The following DYSF variants were observed in gnomAD, a reference collection of about 807,000 sequenced individuals.
The protein encoded by DYSF is dystrophy-associated fer-1-like 1.
DYSF carries 212 observed loss-of-function variants against 274.9 expected under a neutral mutation model. The observed-to-expected ratio is 0.77, with a 90% CI of 0.69 to 0.86. The LOEUF is 0.86. DYSF is among the 40% of genes least tolerant of loss of function. The pLI is 0.00. For missense variants in DYSF, 2,666 were observed against 2,783.2 expected, an observed-to-expected ratio of 0.96 and a Z score of 0.95; for synonymous variants, 1,091 against 1,078.7, an observed-to-expected ratio of 1.01 and a Z score of -0.22.
At chr2:71,521,614 T>C (rs899312883) in intron 12 of DYSF, among the ~76,000 whole-genome samples, 9 of 152,082 alleles carry the variant, frequency 5.9e-5, no homozygotes, top group African/African-American at 2.2e-4. Flanking sequence ...TACCTGAATA[T>C]GGCTGATGGC....
intron 24 of DYSF, 70 bp from the exon 25 acceptor site, chr2:71,567,880 TC>T (rs1319784573): frequency 6.3e-7 from 1 of 1,592,324 alleles, no homozygotes; most frequent in Non-Finnish European, 8.6e-7. Context: ...GGACTCCTCC[TC>T]CCCAGCCTCT....
rs375234931 is a variant in DYSF, at chr2:71,572,458, GAA to G, written c.3228+1719_3228+1720del. On this transcript the variant is annotated intron_variant, in intron 29 of 55. Transcript: ENST00000410020. The stretch of plus-strand genomic sequence containing the variant: ...AGTTCACACACCAACCTGGAAGATG[GAA>G]AGACACCCATGGACTTTGTCTTAGG... 2.5e-3 allele frequency among the ~76,000 whole-genome samples: 383 copies of G among 152,350 alleles called. 5 individuals are homozygous for G. The highest frequency in any genetic ancestry group is 0.016 in the East Asian group (83 of 5,188).
intron 32 of DYSF, among the ~76,000 whole-genome samples, chr2:71,597,117 G>T (rs1326658001): frequency 1.3e-5 from 2 of 152,170 alleles, no homozygotes; most frequent in Non-Finnish European, 2.9e-5. Context: ...TTGTGCGGAA[G>T]CCCTGTCTCC....
chr2:71,515,859 C>T, intron 8 of DYSF, 108 bp downstream of exon 8: 1 of 1,506,552 alleles, frequency 6.6e-7, no homozygotes, highest in Non-Finnish European at 9.0e-7. Context: ...ATGGCGCTGA[C>T]CTTGGGTGGT....
At chr2:71,684,699 TCA>T (rs2095335186) in intron 55 of DYSF, among the ~76,000 whole-genome samples, 2 of 152,090 alleles carry the variant, frequency 1.3e-5, no homozygotes, top group Non-Finnish European at 2.9e-5. Flanking sequence ...CACTAGAAAC[TCA>T]GAGTCCCCGG....
At chr2:71,619,383 T>C (rs889941563) in intron 40 of DYSF, among the ~76,000 whole-genome samples, 2 of 152,124 alleles carry the variant, frequency 1.3e-5, no homozygotes, top group African/African-American at 4.8e-5. Flanking sequence ...TGAACAGCCC[T>C]GAGGGGCCCC....
intron 17 of DYSF, among the ~76,000 whole-genome samples, chr2:71,544,036 C>G (rs370951265): frequency 3.3e-4 from 51 of 152,318 alleles, no homozygotes; most frequent in African/African-American, 1.2e-3. Context: ...TCCTTTACTT[C>G]TTTGCTCCTC....
At chr2:71,558,559 C>T (rs1214598121) in intron 22 of DYSF, among the ~76,000 whole-genome samples, 2 of 152,186 alleles carry the variant, frequency 1.3e-5, no homozygotes, top group Non-Finnish European at 2.9e-5. Context: ...TGCACATGAC[C>T]CCCGTGTTGT....
chr2:71,546,735 G>C (rs2090507437), intron 17 of DYSF, among the ~76,000 whole-genome samples: 1 of 152,206 alleles, frequency 6.6e-6, no homozygotes, highest in South Asian at 2.1e-4. Flanking sequence ...GTCTCCTTTT[G>C]TCTCTGGAAT....
chr2:71,674,618 G>T (rs1258025441), intron 52 of DYSF, among the ~76,000 whole-genome samples: 1 of 152,256 alleles, frequency 6.6e-6, no homozygotes, highest in African/African-American at 2.4e-5. Flanking sequence ...CAGCTGTCTG[G>T]CCTCACATTT....
intron 19 of DYSF, among the ~76,000 whole-genome samples, chr2:71,552,626 T>G (rs7599385): frequency 0.69 from 105,624 of 152,114 alleles, 37,653 homozygotes; most frequent in African/African-American, 0.76. Flanking sequence ...GGAGCTCTGG[T>G]CAGGCGCCTG....
chr2:71,516,282 G>A (rs750376064), intron 9 of DYSF, 40 bp downstream of exon 9: 4 of 1,590,978 alleles, frequency 2.5e-6, no homozygotes, highest in East Asian at 2.2e-5. Context: ...TGGGCTGTAT[G>A]TATGCACATA....
At chr2:71,580,657 C>A in intron 30 of DYSF, among the ~76,000 whole-genome samples, 1 of 152,078 alleles carries the variant, frequency 6.6e-6, no homozygotes, top group East Asian at 1.9e-4. Flanking sequence ...TCTCTGGACT[C>A]TGTTTCTTGA....
upstream of DYSF, among the ~76,000 whole-genome samples, chr2:71,462,379 C>T (rs908073333): frequency 2.0e-5 from 3 of 152,162 alleles, no homozygotes; most frequent in Admixed American, 6.5e-5. Flanking sequence ...TTGGAGGCAC[C>T]AGGAACTGCA....
chr2:71,510,603 G>C (rs1011158676), intron 4 of DYSF, among the ~76,000 whole-genome samples: 1 of 152,168 alleles, frequency 6.6e-6, no homozygotes, highest in South Asian at 2.1e-4. Context: ...CCAGTCTGGA[G>C]AGTTCAAGCT....
chr2:71,551,573 T>G (rs2090948211), intron 18 of DYSF, 34 bp from the exon 19 acceptor site: 1 of 1,564,862 alleles, frequency 6.4e-7, no homozygotes, highest in South Asian at 1.2e-5. Flanking sequence ...CCCCTCTGTC[T>G]CCCCTGCTCC....
chr2:71,607,811 A>G (rs894165444), intron 36 of DYSF, among the ~76,000 whole-genome samples: 3 of 152,008 alleles, frequency 2.0e-5, no homozygotes, highest in African/African-American at 7.3e-5. Context: ...TCTGAGGGGG[A>G]AGATGAAGAA....
chr2:71,590,184 G>T, intron 31 of DYSF, 27 bp from the exon 32 acceptor site: 1 of 1,613,372 alleles, frequency 6.2e-7, no homozygotes, highest in Non-Finnish European at 8.5e-7. Context: ...ACTCACTCTG[G>T]CACCTCTGTT....
rs536126912 is a variant in DYSF, at chr2:71,659,143, A to G, written c.4911+110A>G. ...CAGGGAGTTCATAGTAGGTTGGGAA[A>G]CAGACAAACACACAAAACTGAGAGG... On this transcript the variant is annotated intron_variant, in intron 44 of 55. Coordinates refer to ENST00000410020, the MANE Select transcript of DYSF (RefSeq NM_001130987.2). 142 of 1,422,416 alleles carry G rather than the reference A, an allele frequency of 1.0e-4. No individual in the cohort carries two copies. In the African/African-American group the frequency reaches 1.9e-3, roughly 19 times the overall value. The allele number at this position is 1,422,416 out of a possible 1,614,324, so 88.1% of individuals were successfully genotyped here.
Sources: allele counts gnomAD v4.1 joint callset (sites outside exome capture counted in the v4.1 genomes callset), GRCh38; gene constraint gnomAD v4.1.1; transcripts MANE v1.5; gene names NCBI Gene and HGNC (gene_info 2026-07-23, HGNC 2026-07-21).